Variants in SYT7 observed in about 807,000 individuals in gnomAD.
The protein encoded by SYT7 is synaptotagmin-7.
In SYT7, 29 loss-of-function variants were observed where a neutral mutation model predicts 75.1. The ratio of observed to expected loss-of-function variants is 0.39; its 90% CI spans 0.29 to 0.53. The LOEUF is 0.53. SYT7 is among the 20% of genes least tolerant of loss of function. SYT7 has a pLI of 0.77. For synonymous variants in SYT7, 376 were observed against 401.7 expected, an observed-to-expected ratio of 0.94 and a Z score of 0.76; for missense variants, 693 against 953.2, an observed-to-expected ratio of 0.73 and a Z score of 3.59.
intron 1 of SYT7, among the ~76,000 whole-genome samples, chr11:61,574,922 C>T (rs890351879): frequency 6.6e-6 from 1 of 152,084 alleles, no homozygotes; most frequent in African/African-American, 2.4e-5. Flanking sequence ...TGCATGCTCT[C>T]TCCTCCACTC....
At chr11:61,545,982 G>A in intron 5 of SYT7, 49 bp downstream of exon 5, 5 of 1,503,870 alleles carry the variant, frequency 3.3e-6, no homozygotes, top group Non-Finnish European at 4.5e-6. Flanking sequence ...ACCCTGGCAG[G>A]GCAGGCCTGA....
At chr11:61,527,877 G>A (rs766045568) in intron 9 of SYT7, 38 bp downstream of exon 9, 37 of 1,607,738 alleles carry the variant, frequency 2.3e-5, no homozygotes, top group Non-Finnish European at 3.1e-5. Flanking sequence ...TAGACAGCAA[G>A]AGGTGACCAT....
chr11:61,533,798 T>C (rs185654037), intron 7 of SYT7: 39 of 402,016 alleles, frequency 9.7e-5, no homozygotes, highest in African/African-American at 8.5e-4. Context: ...AAATTTTAAT[T>C]TTGTTGAATG....
chr11:61,538,385 G>GAA, intron 6 of SYT7, 119 bp from the exon 7 acceptor site: 1 of 818,392 alleles, frequency 1.2e-6, no homozygotes, highest in Non-Finnish European at 1.8e-6. Context: ...GAGAGAGAGA[G>GAA]AGAAAGAGAG....
intron 3 of SYT7, among the ~76,000 whole-genome samples, 154 bp from the exon 4 acceptor site, chr11:61,547,462 G>A (rs887571902): frequency 2.6e-5 from 4 of 152,192 alleles, no homozygotes; most frequent in African/African-American, 7.2e-5. Context: ...AAGAAAGGCA[G>A]GCGGGCACCG....
chr11:61,570,387 T>C (rs978611334), intron 1 of SYT7, among the ~76,000 whole-genome samples: 2 of 152,212 alleles, frequency 1.3e-5, no homozygotes, highest in Non-Finnish European at 2.9e-5. Context: ...GAGAGGGTTC[T>C]GCAAGGGTTA....
At chr11:61,552,017 G>T (rs948897812) in intron 2 of SYT7, among the ~76,000 whole-genome samples, 1 of 152,136 alleles carries the variant, frequency 6.6e-6, no homozygotes, top group Middle Eastern at 3.2e-3. Context: ...CAGGAGCAAG[G>T]CTGTTTTAGG....
chr11:61,560,204 G>C (rs1393931707), intron 1 of SYT7, among the ~76,000 whole-genome samples: 1 of 152,198 alleles, frequency 6.6e-6, no homozygotes, highest in Non-Finnish European at 1.5e-5. Flanking sequence ...TATACCCTTT[G>C]CTTTGACATC....
intron 6 of SYT7, chr11:61,540,415 G>C: frequency 1.3e-6 from 1 of 747,152 alleles, no homozygotes. Context: ...CATTTTTAGA[G>C]GGTTGTTTTA....
rs1189258538 is a variant in SYT7 at position 61,576,861 on chromosome 11, A to G, written c.31+3929T>C. Among the ~76,000 whole-genome samples the G allele has an allele frequency of 1.3e-5, 2 of 152,104 alleles. No homozygotes were observed. Among genetic ancestry groups the G allele is most frequent in the Non-Finnish European group, 2.9e-5 (2 of 68,008 alleles). On this transcript the variant is annotated intron_variant, in intron 1 of 12. Coordinates refer to ENST00000539008, the MANE Select transcript of SYT7 (RefSeq NM_001365809.2). The surrounding 1 kb of genome is among the most constrained non-coding windows in gnomAD (Gnocchi z 4.1). ...CCACTGGCACTCCATGTTGCCCTCA[A>G]TGCCCCTTAAGCCTGAGCTTGGGGT...
intron 1 of SYT7, among the ~76,000 whole-genome samples, chr11:61,567,343 G>GCC (rs10682064): frequency 0.044 from 6,642 of 150,742 alleles, 490 homozygotes; most frequent in African/African-American, 0.15. Flanking sequence ...TGAGCGCCCC[G>GCC]CCCCCCAGAG....
rs756012879 is a variant in SYT7 at position 61,533,166 on chromosome 11, A to G, written c.1065-42T>C. On this transcript the variant is annotated intron_variant, in intron 7 of 12. Coordinates refer to ENST00000539008, the MANE Select transcript of SYT7 (RefSeq NM_001365809.2). Reference sequence around the variant, plus strand: ...CCAAATGAGATTGGGCTGGGAAGTGAGCTGCGTTGGGCACCCCGGCCTGGG... The same window carrying G: ...CCAAATGAGATTGGGCTGGGAAGTGGGCTGCGTTGGGCACCCCGGCCTGGG... 2.0e-6 allele frequency: 3 copies of G among 1,527,460 alleles called. No individual in the cohort carries two copies. The Admixed American group carries it at 5.6e-5, about 28-fold the overall frequency. The allele number at this position is 1,527,460 out of a possible 1,614,324, so 94.6% of individuals were successfully genotyped here. A position where few individuals can be genotyped will look rare whatever the true frequency, so the allele number is the denominator to read the frequency against.
At chr11:61,575,121 C>T (rs1189562048) in intron 1 of SYT7, among the ~76,000 whole-genome samples, 1 of 151,896 alleles carries the variant, frequency 6.6e-6, no homozygotes, top group Non-Finnish European at 1.5e-5. Flanking sequence ...AGGTTCTCCC[C>T]AATCTCTGAT....
chr11:61,563,832 T>G (rs1387330259), intron 1 of SYT7, among the ~76,000 whole-genome samples: 3 of 152,236 alleles, frequency 2.0e-5, no homozygotes, highest in Admixed American at 2.0e-4. Context: ...TAGCTCTTTC[T>G]GTGTCCTTCC....
Position 61,542,255 on chromosome 11 carries a change from C to G in SYT7, c.897G>C (p.Val299=), listed in dbSNP as rs2063063667. ...AGCCTCGGTTTCGAATCTGCCCCAC[C>G]ACGTGGTCCCAGCTGCCTGGGTTGG... The part of the protein sequence containing the change: ...SRSNPGSWDH[V]VGQIRNRGLD... The change falls in exon 6 of 13, where the codon GTG becomes GTC. Residue 299 remains valine, a synonymous_variant. Transcript: ENST00000539008. This position sits in a 1 kb window ranked among gnomAD's most constrained non-coding sequence, Gnocchi z 7.8. 2.0e-6 allele frequency: 3 copies of G among 1,535,264 alleles called. No homozygotes were observed. Among genetic ancestry groups the G allele is most frequent in the Non-Finnish European group, 2.6e-6 (3 of 1,146,496 alleles).
At position 61,580,774 on chromosome 11, in the gene SYT7, C is replaced by A; in HGVS notation, c.31+16G>T. ...CGCCGGTGCGGGGCGCCCCAGCCCG[C>A]CGGGGCCGCGCTTACCTGGGCTGGC... On this transcript the variant is annotated intron_variant, in intron 1 of 12. Transcript: ENST00000539008. This position sits in a 1 kb window ranked among gnomAD's most constrained non-coding sequence, Gnocchi z 6.1. 1 of 1,261,606 alleles carries A rather than the reference C, an allele frequency of 7.9e-7. No individual in the cohort carries two copies. The highest frequency in any genetic ancestry group is 1.0e-6 in the Non-Finnish European group (1 of 1,003,928). 78.2% of individuals were successfully genotyped at this position (1,261,606 alleles called of 1,614,324 possible). A position where few individuals can be genotyped will look rare whatever the true frequency, so the allele number is the denominator to read the frequency against.
rs2062135178 is a variant in SYT7 at position 61,515,814 on chromosome 11, G to A, written c.*2813C>T. 6.5e-6 allele frequency: 1 copy of A among 152,706 alleles called. No homozygotes were observed. The highest frequency in any genetic ancestry group is 1.5e-5 in the Non-Finnish European group (1 of 68,080). The allele number at this position is 152,706 out of a possible 1,614,324, so 9.5% of individuals were successfully genotyped here. A position where few individuals can be genotyped will look rare whatever the true frequency, so the allele number is the denominator to read the frequency against. ...GATGGCAGACGAAGCCCATGAAAGG[G>A]CCTGCGACAGAGTGAAGAGACGGAT... On this transcript the variant is annotated 3_prime_UTR_variant, in exon 13 of 13. Coordinates refer to ENST00000539008, the MANE Select transcript of SYT7 (RefSeq NM_001365809.2).
rs1023885489 is a variant in SYT7, at chr11:61,523,508, G to C, written c.1757-234C>G. ...AGGAAACTGAGCCCCAGAGAGGCCA[G>C]GTCTTGCCCAAAATCTCAGACAAGT... is the stretch of plus-strand genomic sequence containing the variant. On this transcript the variant is annotated intron_variant, in intron 11 of 12. Transcript: ENST00000539008. This position sits in a 1 kb window ranked among gnomAD's most constrained non-coding sequence, Gnocchi z 5.0. Among the ~76,000 whole-genome samples, 1 of 152,178 alleles carries C rather than the reference G, an allele frequency of 6.6e-6. No individual in the cohort carries two copies. Among genetic ancestry groups the C allele is most frequent in the African/African-American group, 2.4e-5 (1 of 41,434 alleles).
At chr11:61,558,658 A>G (rs977991188) in intron 1 of SYT7, among the ~76,000 whole-genome samples, 3 of 152,200 alleles carry the variant, frequency 2.0e-5, no homozygotes, top group Non-Finnish European at 4.4e-5. Context: ...TAGGTGCCCC[A>G]GAACCATCAA....
Sources: gnomAD v4.1 joint callset for allele counts (sites outside exome capture counted in the v4.1 genomes callset) on GRCh38, gnomAD v4.1.1 for gene constraint, Gnocchi (gnomAD v3.1) non-coding constraint, MANE v1.5 for transcripts, NCBI Gene and HGNC (gene_info 2026-07-23, HGNC 2026-07-21) for gene names.